Variants in TLL1 observed in about 807,000 individuals in gnomAD.
TLL1 encodes tolloid like 1, also known as tolloid-like protein 1.
In TLL1, 49 loss-of-function variants were observed where a neutral mutation model predicts 128.2. The observed-to-expected ratio is 0.38, with a 90% CI of 0.30 to 0.48. The LOEUF is 0.48. Among genes scored for constraint, TLL1 ranks in the 20% least tolerant of loss-of-function variants. TLL1 has a pLI of 0.96. For synonymous variants in TLL1, 454 were observed against 418.8 expected (o/e 1.08, Z -1.03); for missense variants, 1,123 against 1,242.0 (o/e 0.90, Z 1.44).
chr4:165,912,334 G>A (rs1220816414), intron 1 of TLL1, among the ~76,000 whole-genome samples: 1 of 152,060 alleles, frequency 6.6e-6, no homozygotes, highest in Non-Finnish European at 1.5e-5. Context: ...TGTCTTCATT[G>A]TCAGCCACGG....
chr4:165,990,769 G>T (rs1317371901), intron 2 of TLL1, among the ~76,000 whole-genome samples: 1 of 151,888 alleles, frequency 6.6e-6, no homozygotes, highest in East Asian at 1.9e-4. Flanking sequence ...TTAAAGTAGG[G>T]AGTATGTAAG....
intron 15 of TLL1, among the ~76,000 whole-genome samples, chr4:166,061,557 A>C (rs1740315094): frequency 6.6e-6 from 1 of 151,738 alleles, no homozygotes; most frequent in African/African-American, 2.4e-5. Flanking sequence ...TTTCCTTTTA[A>C]TTACTTTTTT....
In TLL1 at chr4:166,102,001, G is replaced by A. The variant is rs936299107; in HGVS notation, c.*1125G>A. 2 of 152,372 alleles carry A rather than the reference G, an allele frequency of 1.3e-5. No individual in the cohort carries two copies. Among genetic ancestry groups the A allele is most frequent in the East Asian group, 3.9e-4 (2 of 5,146 alleles). The allele number at this position is 152,372 out of a possible 1,614,324, so 9.4% of individuals were successfully genotyped here. ...ATTCCATAAACTTTTTTTCAAACAAGTTTTTGACCTTTGAGCCAACCCACC... is the reference window on the plus strand; with the variant it reads ...ATTCCATAAACTTTTTTTCAAACAAATTTTTGACCTTTGAGCCAACCCACC... On this transcript the variant is annotated 3_prime_UTR_variant, in exon 21 of 21. Transcript: ENST00000061240.
At chr4:165,952,874 G>C (rs923279002) in intron 1 of TLL1, among the ~76,000 whole-genome samples, 2 of 152,096 alleles carry the variant, frequency 1.3e-5, no homozygotes, top group African/African-American at 4.8e-5. Context: ...CCCCACTAAA[G>C]AGCAAGAATG....
chr4:165,937,896 T>C (rs950825740), intron 1 of TLL1, among the ~76,000 whole-genome samples: 2 of 135,418 alleles, frequency 1.5e-5, no homozygotes, highest in African/African-American at 5.3e-5. Flanking sequence ...GAAAATTATT[T>C]CTTTTTTCTT....
intron 16 of TLL1, among the ~76,000 whole-genome samples, chr4:166,072,824 A>C (rs1740851545): frequency 6.6e-6 from 1 of 152,078 alleles, no homozygotes; most frequent in Admixed American, 6.6e-5. Context: ...GGTACCAATA[A>C]AAGGGTGATT....
At chr4:166,071,181 C>T (rs1740794315) in intron 16 of TLL1, among the ~76,000 whole-genome samples, 2 of 151,848 alleles carry the variant, frequency 1.3e-5, no homozygotes, top group Non-Finnish European at 2.9e-5. Context: ...CTTTTTCCTA[C>T]AGATAAGGAA....
At chr4:166,076,413 C>A (rs1741029173) in intron 17 of TLL1, among the ~76,000 whole-genome samples, 1 of 152,016 alleles carries the variant, frequency 6.6e-6, no homozygotes. Flanking sequence ...GAAGGTCATT[C>A]AGAGAAAAAA....
At chr4:166,041,894 T>C (rs1739256688) in intron 10 of TLL1, 133 bp from the exon 11 acceptor site, 1 of 652,894 alleles carries the variant, frequency 1.5e-6, no homozygotes, top group Admixed American at 2.2e-5. Flanking sequence ...TAAGGCACAG[T>C]TGTGGCTGCA....
intron 7 of TLL1, 116 bp downstream of exon 7, chr4:166,008,164 C>T: frequency 1.5e-6 from 1 of 681,644 alleles, no homozygotes; most frequent in Non-Finnish European, 2.6e-6. Flanking sequence ...TACCTCACTG[C>T]AGAAAGTAGA....
intron 15 of TLL1, among the ~76,000 whole-genome samples, chr4:166,062,317 C>T (rs891392166): frequency 1.3e-5 from 2 of 152,144 alleles, no homozygotes; most frequent in African/African-American, 4.8e-5. Context: ...GCAGTATAGC[C>T]ATTTTCACAA....
At chr4:165,901,655 A>C (rs1561016382) in intron 1 of TLL1, among the ~76,000 whole-genome samples, 2 of 152,036 alleles carry the variant, frequency 1.3e-5, no homozygotes, top group South Asian at 4.1e-4. Context: ...TACCAGCTTG[A>C]GCTCTCCTGT....
chr4:166,065,891 A>G, intron 16 of TLL1, 28 bp downstream of exon 16: 1 of 1,606,700 alleles, frequency 6.2e-7, no homozygotes, highest in Admixed American at 1.7e-5. Flanking sequence ...TTGTATGTGT[A>G]TATTACAGAT....
intron 9 of TLL1, chr4:166,030,493 C>T: frequency 1.6e-6 from 1 of 616,214 alleles, no homozygotes; most frequent in Non-Finnish European, 3.0e-6. Flanking sequence ...CTGATGAACA[C>T]AAATTATAAA....
intron 1 of TLL1, among the ~76,000 whole-genome samples, chr4:165,981,630 A>G (rs1736151704): frequency 6.6e-6 from 1 of 152,054 alleles, no homozygotes; most frequent in Non-Finnish European, 1.5e-5. Context: ...CTTAGTATTC[A>G]TGTGTATATG....
intron 1 of TLL1, among the ~76,000 whole-genome samples, chr4:165,875,628 G>A (rs1268956071): frequency 6.6e-6 from 1 of 152,132 alleles, no homozygotes; most frequent in East Asian, 1.9e-4. Context: ...GGTGACTAGT[G>A]GCTGGGCATT....
intron 16 of TLL1, 146 bp downstream of exon 16, chr4:166,066,009 C>T (rs1740557555): frequency 2.5e-5 from 4 of 160,986 alleles, no homozygotes; most frequent in Non-Finnish European, 2.9e-5. Flanking sequence ...ATAATTATAG[C>T]AATATTTTTA....
At chr4:165,903,494 C>A (rs1328178066) in intron 1 of TLL1, among the ~76,000 whole-genome samples, 1 of 144,230 alleles carries the variant, frequency 6.9e-6, no homozygotes, top group Non-Finnish European at 1.5e-5. Context: ...CTCACTGCAA[C>A]CTGCGCCTCC....
At chr4:166,072,612 A>G (rs1001767694) in intron 16 of TLL1, among the ~76,000 whole-genome samples, 4 of 151,926 alleles carry the variant, frequency 2.6e-5, no homozygotes, top group African/African-American at 7.2e-5. Context: ...GAAATTAATT[A>G]TACTCAAAAA....
Sources: gnomAD v4.1 joint callset for allele counts (sites outside exome capture counted in the v4.1 genomes callset) on GRCh38, gnomAD v4.1.1 for gene constraint, MANE v1.5 for transcripts, NCBI Gene and HGNC (gene_info 2026-07-23, HGNC 2026-07-21) for gene names.